RGS3: variants seen among roughly 807,000 people sequenced by gnomAD.
RGS3 encodes regulator of G-protein signalling 3.
Under a neutral mutation model 132.6 loss-of-function variants are expected in RGS3, and 80 were observed. The ratio of observed to expected loss-of-function variants is 0.60; its 90% CI spans 0.50 to 0.73. RGS3 has a LOEUF of 0.73. Ranked by LOEUF, RGS3 falls within the 30% of genes least tolerant of loss-of-function variation. The pLI is 0.00. For missense variants in RGS3, 1,382 were observed against 1,530.8 expected, an observed-to-expected ratio of 0.90 and a Z score of 1.62; for synonymous variants, 598 against 620.6, an observed-to-expected ratio of 0.96 and a Z score of 0.54.
chr9:113,519,107 C>T (rs149324537), intron 16 of RGS3, among the ~76,000 whole-genome samples: 2 of 152,240 alleles, frequency 1.3e-5, no homozygotes, highest in African/African-American at 4.8e-5. Flanking sequence ...TTGCAGCACC[C>T]CCATGAAAGG....
chr9:113,520,835 TATTA>T (rs986599276), intron 16 of RGS3, among the ~76,000 whole-genome samples: 3 of 152,050 alleles, frequency 2.0e-5, no homozygotes, highest in South Asian at 2.1e-4. Flanking sequence ...TCATTATTAT[TATTA>T]ATTATTATTT....
chr9:113,544,254 C>A (rs369276366), intron 19 of RGS3, among the ~76,000 whole-genome samples: 3 of 150,104 alleles, frequency 2.0e-5, no homozygotes, highest in African/African-American at 7.3e-5. Context: ...CAAAGTGATT[C>A]TTTTAGTTCC....
intron 1 of RGS3, among the ~76,000 whole-genome samples, chr9:113,447,319 G>GTGTATATATATATATATA (rs1301499712): frequency 4.6e-5 from 1 of 21,886 alleles, no homozygotes; most frequent in African/African-American, 8.2e-5. Flanking sequence ...AAATTCTGAT[G>GTGTATATATATATATATA]TATGTATATG....
At chr9:113,539,621 C>T (rs1347225103) in intron 19 of RGS3, among the ~76,000 whole-genome samples, 1 of 152,182 alleles carries the variant, frequency 6.6e-6, no homozygotes, top group Non-Finnish European at 1.5e-5. Context: ...AAGGAAAACA[C>T]TGCCTAGACC....
intron 19 of RGS3, among the ~76,000 whole-genome samples, chr9:113,571,986 G>T (rs1834311535): frequency 6.6e-6 from 1 of 152,202 alleles, no homozygotes; most frequent in Non-Finnish European, 1.5e-5. Context: ...CAGAAATTGA[G>T]GGGCAATACG....
At chr9:113,505,942 A>G (rs1289472526) in intron 11 of RGS3, among the ~76,000 whole-genome samples, 1 of 152,222 alleles carries the variant, frequency 6.6e-6, no homozygotes, top group East Asian at 1.9e-4. Context: ...CAGAGTGAGC[A>G]TCTCAAAGAC....
intron 7 of RGS3, among the ~76,000 whole-genome samples, chr9:113,488,458 C>A (rs1053980300): frequency 6.6e-6 from 1 of 152,168 alleles, no homozygotes; most frequent in Non-Finnish European, 1.5e-5. Context: ...ACCAAGGGTC[C>A]GCTCCCTGTC....
chr9:113,507,266 G>A lies in RGS3; in HGVS notation c.1086-21G>A. The A allele has an allele frequency of 6.3e-7, 1 of 1,581,790 alleles. No homozygotes were observed. The highest frequency in any genetic ancestry group is 8.6e-7 in the Non-Finnish European group (1 of 1,161,438). The stretch of plus-strand genomic sequence containing the variant: ...GGCTTTCCCCAGGCTCAACCTGTCT[G>A]TGTGATCCCCCACCTTCCAGGAGCT... On this transcript the variant is annotated intron_variant, in intron 12 of 24. Transcript: ENST00000350696. This position sits in a 1 kb window ranked among gnomAD's most constrained non-coding sequence, Gnocchi z 5.0.
intron 15 of RGS3, 106 bp from the exon 14 acceptor site, chr9:113,517,435 G>C: frequency 1.1e-6 from 1 of 875,826 alleles, no homozygotes; most frequent in Non-Finnish European, 1.9e-6. Context: ...GTCTTCTCTG[G>C]GTCAGAGGGT....
chr9:113,482,142 T>C (rs1274416566), intron 4 of RGS3, among the ~76,000 whole-genome samples: 1 of 152,120 alleles, frequency 6.6e-6, no homozygotes, highest in Non-Finnish European at 1.5e-5. Context: ...ATCAGGTCTA[T>C]TGTCTTCTTT....
exon 20 of RGS3, chr9:113,584,318 G>C: frequency 6.2e-7 from 1 of 1,603,058 alleles, no homozygotes; most frequent in African/African-American, 1.3e-5. Context: ...GACGGTGAGG[G>C]CGCCGCCTCC....
At chr9:113,597,202 G>T (rs1724846945) in exon 25 of RGS3, 2 of 426,882 alleles carry the variant, frequency 4.7e-6, no homozygotes, top group Middle Eastern at 6.3e-4. Flanking sequence ...CAGGTCAGGG[G>T]CCCTGGCCAA....
chr9:113,595,193 T>C (rs1469988636), intron 23 of RGS3: 4 of 596,722 alleles, frequency 6.7e-6, no homozygotes, highest in Non-Finnish European at 1.2e-5. Context: ...CCATGTGAGC[T>C]GGCACTGCCT....
At chr9:113,464,717 T>A (rs1829571105) in intron 3 of RGS3, among the ~76,000 whole-genome samples, 1 of 152,232 alleles carries the variant, frequency 6.6e-6, no homozygotes, top group Admixed American at 6.5e-5. Context: ...TTTCCAGAGA[T>A]GACCTGTCCA....
At chr9:113,585,434 C>CTTCTCTTG (rs1353353869) in intron 20 of RGS3, among the ~76,000 whole-genome samples, 1 of 152,230 alleles carries the variant, frequency 6.6e-6, no homozygotes, top group Non-Finnish European at 1.5e-5. Flanking sequence ...GGCCCCACTC[C>CTTCTCTTG]TTCTCTTGAA....
chr9:113,587,592 G>A (rs563674904), intron 20 of RGS3, among the ~76,000 whole-genome samples: 2 of 152,316 alleles, frequency 1.3e-5, no homozygotes, highest in South Asian at 2.1e-4. Flanking sequence ...GCTGCTGTGC[G>A]GATAAGCTGA....
At chr9:113,482,394 T>G (rs1830193249) in intron 4 of RGS3, among the ~76,000 whole-genome samples, 2 of 152,234 alleles carry the variant, frequency 1.3e-5, no homozygotes, top group Non-Finnish European at 1.5e-5. Flanking sequence ...TTCTGTCCCA[T>G]GCAAAGCAAC....
intron 7 of RGS3, among the ~76,000 whole-genome samples, chr9:113,492,637 G>A (rs1437947795): frequency 6.6e-6 from 1 of 152,168 alleles, no homozygotes; most frequent in Non-Finnish European, 1.5e-5. Context: ...CGGAGACTTT[G>A]CATCTAGTGA....
At chr9:113,526,689 G>A (rs1832227563) in intron 17 of RGS3, among the ~76,000 whole-genome samples, 1 of 152,198 alleles carries the variant, frequency 6.6e-6, no homozygotes, top group Non-Finnish European at 1.5e-5. Context: ...GGAGGGGTCA[G>A]ACCTGGGCCA....
Sources: allele counts gnomAD v4.1 joint callset (sites outside exome capture counted in the v4.1 genomes callset), GRCh38; gene constraint gnomAD v4.1.1; non-coding constraint Gnocchi (gnomAD v3.1); transcripts MANE v1.5; gene names NCBI Gene and HGNC (gene_info 2026-07-23, HGNC 2026-07-21).